The following SEMA6D variants were observed in gnomAD, a reference collection of about 807,000 sequenced individuals.
The protein encoded by SEMA6D is semaphorin-6D.
Under a neutral mutation model 106.6 loss-of-function variants are expected in SEMA6D, and 35 were observed. The ratio of observed to expected loss-of-function variants is 0.33; its 90% CI spans 0.25 to 0.44. The LOEUF (loss-of-function observed/expected upper bound fraction) is 0.44, where lower values mean the gene tolerates loss of function less well. Among genes scored for constraint, SEMA6D ranks in the 20% least tolerant of loss-of-function variants. SEMA6D has a pLI of 1.00. For synonymous variants in SEMA6D, 499 were observed against 487.7 expected (o/e 1.02, Z -0.31); for missense variants, 1,185 against 1,345.9 (o/e 0.88, Z 1.87).
intron 1 of SEMA6D, among the ~76,000 whole-genome samples, chr15:47,292,842 C>A (rs953785919): frequency 2.0e-5 from 3 of 152,066 alleles, no homozygotes; most frequent in African/African-American, 7.2e-5. Context: ...TTCATTGCAA[C>A]CACATTTCCT....
At chr15:47,753,216 G>T (rs980056302) in intron 1 of SEMA6D, among the ~76,000 whole-genome samples, 2 of 152,112 alleles carry the variant, frequency 1.3e-5, no homozygotes, top group Non-Finnish European at 2.9e-5. Context: ...TTGGGGAGTG[G>T]TCTAATTTAA....
In SEMA6D at chr15:47,206,094, A is replaced by G. The variant is rs192123538; in HGVS notation, c.-239+21676A>G. On this transcript the variant is annotated intron_variant, in intron 1 of 19. Coordinates refer to the SEMA6D transcript ENST00000558014. ...TCCTTACACTAAAATTTTGGAATAC[A>G]TGGATGACTGGGTTAAGTGGGTATG... 5.3e-5 allele frequency among the ~76,000 whole-genome samples: 8 copies of G among 152,326 alleles called. No individual in the cohort carries two copies. In the East Asian group the frequency reaches 1.5e-3, roughly 29 times the overall value.
At chr15:47,186,596 G>A (rs905279389) in intron 1 of SEMA6D, among the ~76,000 whole-genome samples, 2 of 150,474 alleles carry the variant, frequency 1.3e-5, no homozygotes, top group African/African-American at 2.4e-5. Context: ...AATGCCGTTC[G>A]TGCCCACTGA....
rs145183094 is a variant in SEMA6D at position 47,400,743 on chromosome 15, G to T, written c.-238-11650G>T. On this transcript the variant is annotated intron_variant, in intron 1 of 19. Transcript: ENST00000558014. ...TCAAACAACTAGCTGTTTCTATTTA[G>T]ATGGCCTGTGGCCTATTTCTAAAGC... Among the ~76,000 whole-genome samples the T allele has an allele frequency of 4.5e-4, 68 of 152,318 alleles. No homozygotes were observed. The East Asian group carries it at 0.011, about 24-fold the overall frequency.
At chr15:47,514,751 A>G (rs1170593910) in intron 3 of SEMA6D, among the ~76,000 whole-genome samples, 1 of 152,108 alleles carries the variant, frequency 6.6e-6, no homozygotes, top group African/African-American at 2.4e-5. Flanking sequence ...TCTATTCTCA[A>G]CACTTGAAAA....
intron 3 of SEMA6D, among the ~76,000 whole-genome samples, chr15:47,554,978 C>A (rs565527640): frequency 2.0e-5 from 3 of 152,134 alleles, no homozygotes; most frequent in African/African-American, 7.2e-5. Context: ...TTGAAAATAT[C>A]TTTGCATGCC....
At chr15:47,491,630 G>A (rs1229211476) in intron 3 of SEMA6D, among the ~76,000 whole-genome samples, 1 of 152,018 alleles carries the variant, frequency 6.6e-6, no homozygotes, top group East Asian at 1.9e-4. Flanking sequence ...GATTGGTGGT[G>A]GGTTTGTATT....
At chr15:47,644,573 T>A (rs1159703334) in intron 4 of SEMA6D, among the ~76,000 whole-genome samples, 1 of 152,190 alleles carries the variant, frequency 6.6e-6, no homozygotes, top group African/African-American at 2.4e-5. Flanking sequence ...TGGGGGCAGG[T>A]GCCCTTACAA....
chr15:47,199,421 A>G (rs1894569428), intron 1 of SEMA6D, among the ~76,000 whole-genome samples: 1 of 152,190 alleles, frequency 6.6e-6, no homozygotes, highest in African/African-American at 2.4e-5. Flanking sequence ...CAAGCCACTT[A>G]GAGCTCTGTA....
intron 1 of SEMA6D, among the ~76,000 whole-genome samples, chr15:47,325,127 G>C (rs2037076360): frequency 6.6e-6 from 1 of 151,658 alleles, no homozygotes; most frequent in South Asian, 2.1e-4. Context: ...ACTATTGCTT[G>C]ACCCTTTCAA....
chr15:47,762,375 G>A (rs1207002423), intron 8 of SEMA6D, 56 bp downstream of exon 8: 2 of 1,593,696 alleles, frequency 1.3e-6, no homozygotes, highest in Admixed American at 3.4e-5. Flanking sequence ...GCCCAAGTGG[G>A]GACAGCAGCC....
chr15:47,237,629 G>T (rs1019944876), intron 1 of SEMA6D, among the ~76,000 whole-genome samples: 1 of 152,056 alleles, frequency 6.6e-6, no homozygotes, highest in South Asian at 2.1e-4. Flanking sequence ...GGCTTTGCAA[G>T]TGTGATGTGT....
chr15:47,588,863 C>A (rs2076388479), intron 3 of SEMA6D, among the ~76,000 whole-genome samples: 2 of 152,076 alleles, frequency 1.3e-5, no homozygotes, highest in South Asian at 4.1e-4. Flanking sequence ...TCGATCAGGG[C>A]AGTTTGTCTG....
intron 4 of SEMA6D, among the ~76,000 whole-genome samples, chr15:47,670,909 A>T (rs2078123977): frequency 6.6e-6 from 1 of 152,198 alleles, no homozygotes; most frequent in African/African-American, 2.4e-5. Flanking sequence ...ATTACTTTCT[A>T]TAAGTATATT....
At chr15:47,573,188 T>A (rs1369319173) in intron 3 of SEMA6D, among the ~76,000 whole-genome samples, 1 of 151,574 alleles carries the variant, frequency 6.6e-6, no homozygotes, top group East Asian at 1.9e-4. Flanking sequence ...AAAAAAAAAT[T>A]CAAAGTTTTG....
At chr15:47,704,304 A>C (rs1181198893) in intron 4 of SEMA6D, among the ~76,000 whole-genome samples, 1 of 152,284 alleles carries the variant, frequency 6.6e-6, no homozygotes, top group Non-Finnish European at 1.5e-5. Flanking sequence ...ATGTCTTTCT[A>C]TGCATTAAGT....
At chr15:47,494,741 G>GATATATATATATATAT (rs202139404) in intron 3 of SEMA6D, among the ~76,000 whole-genome samples, 4 of 32,974 alleles carry the variant, frequency 1.2e-4, no homozygotes, top group African/African-American at 1.3e-4. Flanking sequence ...GTGGGATGGA[G>GATATATATATATATAT]ATATATATAT....
intron 2 of SEMA6D, among the ~76,000 whole-genome samples, chr15:47,451,086 G>T (rs1387239567): frequency 2.0e-5 from 3 of 152,116 alleles, no homozygotes; most frequent in Non-Finnish European, 4.4e-5. Flanking sequence ...CGAATGTGAG[G>T]CTTAAAAGCA....
chr15:47,409,083 C>G (rs1483842089), intron 1 of SEMA6D, among the ~76,000 whole-genome samples: 1 of 152,220 alleles, frequency 6.6e-6, no homozygotes, highest in Non-Finnish European at 1.5e-5. Flanking sequence ...ACCTAGTGAT[C>G]TTTTTAGAAT....
Sources: allele counts gnomAD v4.1 joint callset (sites outside exome capture counted in the v4.1 genomes callset), GRCh38; gene constraint gnomAD v4.1.1; transcripts MANE v1.5; gene names NCBI Gene and HGNC (gene_info 2026-07-23, HGNC 2026-07-21).